Variants in GALNTL6 observed in about 807,000 individuals in gnomAD.
GALNTL6 encodes the protein polypeptide N-acetylgalactosaminyltransferase-like 6.
GALNTL6 carries 46 observed loss-of-function variants against 73.7 expected under a neutral mutation model. The observed-to-expected ratio is 0.62, with a 90% confidence interval of 0.49 to 0.80. GALNTL6 has a LOEUF of 0.80. Ranked by LOEUF, GALNTL6 falls within the 30% of genes least tolerant of loss-of-function variation. GALNTL6 has a pLI of 0.00. For synonymous variants in GALNTL6, 259 were observed against 263.7 expected (o/e 0.98, Z 0.17); for missense variants, 604 against 755.0 (o/e 0.80, Z 2.34).
At chr4:172,314,972 C>A (rs1027942211) in intron 4 of GALNTL6, among the ~76,000 whole-genome samples, 1 of 151,992 alleles carries the variant, frequency 6.6e-6, no homozygotes, top group Non-Finnish European at 1.5e-5. Flanking sequence ...AAATAAACTG[C>A]TTTTTTTGGC....
intron 2 of GALNTL6, among the ~76,000 whole-genome samples, chr4:171,949,340 C>A (rs1008176988): frequency 6.6e-6 from 1 of 152,176 alleles, no homozygotes; most frequent in Admixed American, 6.6e-5. Flanking sequence ...CCCAAGTACT[C>A]ACTTTAGAAA....
intron 2 of GALNTL6, among the ~76,000 whole-genome samples, chr4:171,975,864 TA>T (rs928586662): frequency 1.3e-5 from 2 of 152,150 alleles, no homozygotes; most frequent in East Asian, 3.8e-4. Context: ...CTTTGGAGAC[TA>T]AAAAAATTAA....
intron 5 of GALNTL6, among the ~76,000 whole-genome samples, chr4:172,705,024 A>C (rs2111303523): frequency 6.6e-6 from 1 of 151,980 alleles, no homozygotes; most frequent in South Asian, 2.1e-4. Flanking sequence ...TTGTGGTTTC[A>C]ATTTATATAA....
intron 2 of GALNTL6, among the ~76,000 whole-genome samples, chr4:171,857,991 A>G (rs990039142): frequency 6.6e-6 from 1 of 152,176 alleles, no homozygotes; most frequent in Non-Finnish European, 1.5e-5. Context: ...TGCTTAGATC[A>G]ATGATATGGT....
intron 4 of GALNTL6, among the ~76,000 whole-genome samples, chr4:172,331,434 A>T (rs1301886100): frequency 2.0e-5 from 3 of 152,142 alleles, no homozygotes; most frequent in African/African-American, 4.8e-5. Flanking sequence ...TTAAGTATAC[A>T]ATACATTATT....
intron 5 of GALNTL6, among the ~76,000 whole-genome samples, chr4:172,417,380 T>C (rs1350194008): frequency 6.6e-6 from 1 of 152,174 alleles, no homozygotes; most frequent in Non-Finnish European, 1.5e-5. Context: ...AATATCTTTT[T>C]TCAAATAAAA....
chr4:172,076,594 A>G (rs1463374822), intron 2 of GALNTL6, among the ~76,000 whole-genome samples: 2 of 152,238 alleles, frequency 1.3e-5, no homozygotes, highest in Non-Finnish European at 2.9e-5. Flanking sequence ...AAATAATTGC[A>G]AGACATGTGA....
chr4:172,397,613 C>G (rs1025242522), intron 5 of GALNTL6, among the ~76,000 whole-genome samples: 24 of 150,120 alleles, frequency 1.6e-4, no homozygotes, highest in Admixed American at 7.3e-4. Flanking sequence ...GAGTCTCGCT[C>G]TGTCGCCAGG....
chr4:172,269,391 T>G lies in GALNTL6; in HGVS notation c.247+39627T>G, dbSNP rs554450792. ...GAGCTTGCCAGAAAAAGCACTGCAC[T>G]TCTGCACTTTGCTGATGCTGAAAGA... On this transcript the variant is annotated intron_variant, in intron 3 of 12. Coordinates refer to ENST00000506823, the MANE Select transcript of GALNTL6 (RefSeq NM_001034845.3). Among the ~76,000 whole-genome samples the G allele has an allele frequency of 4.0e-4, 61 of 152,308 alleles. No individual in the cohort carries two copies. In the South Asian group the frequency reaches 0.012, roughly 31 times the overall value.
intron 5 of GALNTL6, among the ~76,000 whole-genome samples, chr4:172,442,363 A>G (rs558242068): frequency 2.4e-4 from 37 of 152,318 alleles, no homozygotes; most frequent in Non-Finnish European, 3.5e-4. Context: ...GGGGGAGTGA[A>G]GCCAGCTTGC....
chr4:171,887,968 T>C (rs1241005732), intron 2 of GALNTL6, among the ~76,000 whole-genome samples: 1 of 152,160 alleles, frequency 6.6e-6, no homozygotes, highest in African/African-American at 2.4e-5. Flanking sequence ...TCTGGGGAAA[T>C]AGATCCACTA....
At chr4:172,591,092 G>A (rs1477851742) in intron 5 of GALNTL6, among the ~76,000 whole-genome samples, 1 of 152,178 alleles carries the variant, frequency 6.6e-6, no homozygotes, top group African/African-American at 2.4e-5. Flanking sequence ...TGTAACTCAT[G>A]GAGCACCAAG....
At chr4:172,517,565 A>C (rs1734650554) in intron 5 of GALNTL6, among the ~76,000 whole-genome samples, 1 of 152,108 alleles carries the variant, frequency 6.6e-6, no homozygotes, top group Admixed American at 6.5e-5. Flanking sequence ...ATTGTCAGTA[A>C]GTGCTTTTAC....
chr4:172,171,697 G>A (rs959744644), intron 2 of GALNTL6, among the ~76,000 whole-genome samples: 3 of 151,110 alleles, frequency 2.0e-5, no homozygotes, highest in Non-Finnish European at 2.9e-5. Flanking sequence ...AAAATTAGCC[G>A]GGTGGTGGCA....
At chr4:172,546,077 T>C (rs1735735406) in intron 5 of GALNTL6, among the ~76,000 whole-genome samples, 1 of 152,168 alleles carries the variant, frequency 6.6e-6, no homozygotes, top group Admixed American at 6.5e-5. Flanking sequence ...TGCACACACA[T>C]GTACATAATG....
intron 2 of GALNTL6, among the ~76,000 whole-genome samples, chr4:171,891,977 T>A (rs1253399278): frequency 6.6e-6 from 1 of 152,274 alleles, no homozygotes; most frequent in East Asian, 1.9e-4. Context: ...TGCTCACAAA[T>A]CCAAAACTTT....
intron 5 of GALNTL6, among the ~76,000 whole-genome samples, chr4:172,523,705 A>G (rs567095120): frequency 6.6e-6 from 1 of 152,216 alleles, no homozygotes; most frequent in East Asian, 1.9e-4. Flanking sequence ...TTGATTTTTA[A>G]AAACTCTGTA....
chr4:171,869,729 G>A (rs533732353), intron 2 of GALNTL6, among the ~76,000 whole-genome samples: 11 of 152,158 alleles, frequency 7.2e-5, no homozygotes, highest in Non-Finnish European at 1.2e-4. Context: ...GGAGGGACCC[G>A]GTGGGAGATA....
chr4:171,896,037 A>T (rs909165847), intron 2 of GALNTL6, among the ~76,000 whole-genome samples: 11 of 152,040 alleles, frequency 7.2e-5, no homozygotes, highest in Non-Finnish European at 5.9e-5. Flanking sequence ...GAGCCTCCAA[A>T]TATTGTTAGA....
Sources: allele counts gnomAD v4.1 joint callset (sites outside exome capture counted in the v4.1 genomes callset), GRCh38; gene constraint gnomAD v4.1.1; transcripts MANE v1.5; gene names NCBI Gene and HGNC (gene_info 2026-07-23, HGNC 2026-07-21).